Variants in LEF1 observed in about 807,000 individuals in gnomAD.
LEF1 encodes lymphoid enhancer-binding factor 1.
Under a neutral mutation model 51.2 loss-of-function variants are expected in LEF1, and 14 were observed. That is an observed-to-expected ratio of 0.27 (90% CI 0.18 to 0.43). The LOEUF is 0.43. LEF1 is among the 20% of genes least tolerant of loss of function. The pLI is 1.00. For missense variants in LEF1, 386 were observed against 512.0 expected (o/e 0.75, Z 2.37); for synonymous variants, 185 against 183.2 (o/e 1.01, Z -0.08).
intron 3 of LEF1, among the ~76,000 whole-genome samples, chr4:108,161,523 C>T (rs1745052084): frequency 6.6e-6 from 1 of 152,156 alleles, no homozygotes; most frequent in Admixed American, 6.5e-5. Flanking sequence ...AATTTTAATA[C>T]ATACACTAAC....
intron 3 of LEF1, among the ~76,000 whole-genome samples, chr4:108,114,742 G>C (rs987705787): frequency 5.9e-5 from 9 of 152,366 alleles, no homozygotes; most frequent in African/African-American, 2.2e-4. Context: ...TTTAAAGAGA[G>C]AGCCTTAGGA....
chr4:108,143,792 C>A (rs1169389538), intron 3 of LEF1, among the ~76,000 whole-genome samples: 1 of 152,164 alleles, frequency 6.6e-6, no homozygotes, highest in African/African-American at 2.4e-5. Context: ...AGTGGCTAAG[C>A]AGAGACAAAC....
At chr4:108,073,833 C>T (rs13119397) in intron 8 of LEF1, among the ~76,000 whole-genome samples, 115,007 of 144,072 alleles carry the variant, frequency 0.8, 46,475 homozygotes, top group East Asian at 0.97. Context: ...ACCCCCCCCC[C>T]TTTTTTTTTT....
At chr4:108,112,801 T>A (rs1741611881) in intron 3 of LEF1, among the ~76,000 whole-genome samples, 1 of 152,212 alleles carries the variant, frequency 6.6e-6, no homozygotes, top group South Asian at 2.1e-4. Flanking sequence ...ATAATTAGTA[T>A]ATGCTCCTGA....
rs555451184 is a variant in LEF1 at position 108,081,389 on chromosome 4, C to T, written c.722+197G>A. ...CCATCGCCCGATGGTGTGGCTGGTCCGGCCGGGGCACAGCGCAGAGCTCCT... is the reference window on the plus strand; with the variant it reads ...CCATCGCCCGATGGTGTGGCTGGTCTGGCCGGGGCACAGCGCAGAGCTCCT... On this transcript the variant is annotated intron_variant, in intron 6 of 11. Transcript: ENST00000265165. Among the ~76,000 whole-genome samples the T allele has an allele frequency of 4.6e-5, 7 of 152,142 alleles. No individual in the cohort carries two copies. In the South Asian group the frequency reaches 8.3e-4, roughly 18 times the overall value.
At chr4:108,086,986 C>T (rs1739694979) in intron 4 of LEF1, among the ~76,000 whole-genome samples, 1 of 152,190 alleles carries the variant, frequency 6.6e-6, no homozygotes, top group East Asian at 1.9e-4. Flanking sequence ...TGATGATCTT[C>T]GGTTGTTTTT....
intron 9 of LEF1, among the ~76,000 whole-genome samples, chr4:108,066,748 A>G (rs1224601612): frequency 6.6e-6 from 1 of 152,240 alleles, no homozygotes; most frequent in Non-Finnish European, 1.5e-5. Context: ...TGGTAAAAAC[A>G]AAAAATTTTT....
At chr4:108,152,210 C>T (rs996859195) in intron 3 of LEF1, among the ~76,000 whole-genome samples, 9 of 152,158 alleles carry the variant, frequency 5.9e-5, no homozygotes, top group African/African-American at 2.2e-4. Context: ...CAAGACCCTG[C>T]TGGCAGGGAA....
chr4:108,123,294 C>G (rs1365005917), intron 3 of LEF1, among the ~76,000 whole-genome samples: 1 of 152,168 alleles, frequency 6.6e-6, no homozygotes, highest in African/African-American at 2.4e-5. Flanking sequence ...CTCAGGACAG[C>G]ATTTTTCTTC....
intron 3 of LEF1, among the ~76,000 whole-genome samples, chr4:108,138,106 T>A (rs1743413132): frequency 6.6e-6 from 1 of 152,146 alleles, no homozygotes; most frequent in Non-Finnish European, 1.5e-5. Flanking sequence ...GAAATACAGG[T>A]TTAGATGAGA....
Position 108,141,685 on chromosome 4 carries a change from G to C in LEF1, c.414+21883C>G, listed in dbSNP as rs148446463. On this transcript the variant is annotated intron_variant, in intron 3 of 11. Transcript: ENST00000265165. The stretch of plus-strand genomic sequence containing the variant: ...GGCCGCAAGCAGTTGTGCGCCCTGG[G>C]AATATGGAAAGCCTTTATGCTCTCA... Among the ~76,000 whole-genome samples, 77 of 152,246 alleles carry C rather than the reference G, an allele frequency of 5.1e-4. No individual in the cohort carries two copies. In the East Asian group the frequency reaches 8.9e-3, roughly 18 times the overall value.
chr4:108,149,016 A>G (rs1418474920), intron 3 of LEF1, among the ~76,000 whole-genome samples: 1 of 152,212 alleles, frequency 6.6e-6, no homozygotes, highest in Non-Finnish European at 1.5e-5. Context: ...GCAGATCTTA[A>G]TTGTGCAGGA....
rs55839332 is a variant in LEF1, at chr4:108,115,846, T to TACACACACACACACAC, written c.415-26605_415-26590dup. 2.6e-3 allele frequency among the ~76,000 whole-genome samples: 364 copies of TACACACACACACACAC among 139,358 alleles called. 9 individuals carry two copies. The highest frequency in any genetic ancestry group is 8.3e-3 in the African/African-American group (304 of 36,764). 91.4% of individuals were successfully genotyped at this position (139,358 alleles called of 152,430 possible). On this transcript the variant is annotated intron_variant, in intron 3 of 11. Coordinates refer to ENST00000265165, the MANE Select transcript of LEF1 (RefSeq NM_016269.5). ...AAAGGTCTGCCTATAATGTAACACA[T>TACACACACACACACAC]ACACACACACACACACACACACACA...
In LEF1 at chr4:108,168,085, C is replaced by A. The variant is rs1423716904; in HGVS notation, c.-318G>T. 1.1e-4 allele frequency: 17 copies of A among 154,592 alleles called. No individual in the cohort carries two copies. In the South Asian group the frequency reaches 1.6e-3, roughly 15 times the overall value. The allele number at this position is 154,592 out of a possible 1,614,324, so 9.6% of individuals were successfully genotyped here. On this transcript the variant is annotated 5_prime_UTR_variant, in exon 1 of 12. Coordinates refer to ENST00000265165, the MANE Select transcript of LEF1 (RefSeq NM_016269.5). This position sits in a 1 kb window ranked among gnomAD's most constrained non-coding sequence, Gnocchi z 4.6. ...ACTCCGGGGGCGTCTGCGCGGCGCG[C>A]GCTAGACGAGGCTGCCCCGGCGGCC... is the stretch of plus-strand genomic sequence containing the variant.
intron 3 of LEF1, among the ~76,000 whole-genome samples, chr4:108,158,065 TTTG>T (rs1171082858): frequency 9.9e-5 from 15 of 151,424 alleles, no homozygotes; most frequent in Non-Finnish European, 2.2e-4. Flanking sequence ...ACCCCCAGTC[TTTG>T]TTGTTGTTCT....
intron 11 of LEF1, among the ~76,000 whole-genome samples, chr4:108,060,087 G>C (rs534306241): frequency 6.6e-6 from 1 of 152,230 alleles, no homozygotes; most frequent in Non-Finnish European, 1.5e-5. Flanking sequence ...TACATTAGTG[G>C]AAAATCAAAC....
rs35000095 is a variant in LEF1, at chr4:108,167,351, T to TAC, written c.213+202_213+203dup. Among the ~76,000 whole-genome samples, 15,154 of 131,570 alleles carry TAC rather than the reference T, an allele frequency of 0.12. 848 individuals are homozygous for TAC. The highest frequency in any genetic ancestry group is 0.13 in the African/African-American group (4,663 of 35,318). The allele number at this position is 131,570 out of a possible 152,430, so 86.3% of individuals were successfully genotyped here. A position where few individuals can be genotyped will look rare whatever the true frequency, so the allele number is the denominator to read the frequency against. On this transcript the variant is annotated intron_variant, in intron 1 of 11. Coordinates refer to ENST00000265165, the MANE Select transcript of LEF1 (RefSeq NM_016269.5). This position sits in a 1 kb window ranked among gnomAD's most constrained non-coding sequence, Gnocchi z 5.7. The stretch of plus-strand genomic sequence containing the variant: ...TACCCTGCCCCTCTACCTCCCATCC[T>TAC]ACACACACACACACACACACACACA...
At chr4:108,077,696 A>G (rs6829117) in intron 8 of LEF1, among the ~76,000 whole-genome samples, 6,804 of 76,102 alleles carry the variant, frequency 0.089, 294 homozygotes, top group Non-Finnish European at 0.11. Context: ...CTGCCGCCCC[A>G]TCTGGGAAGT....
At position 108,167,499 on chromosome 4, in the gene LEF1, C is replaced by CT. The variant is rs1745488832; in HGVS notation, c.213+55dup. ...GCGCCTTCGTTCCCTTCCTCCCTCTCTGAGTTTCCCAGGGACCCGCCACGC... is the reference window on the plus strand; with the variant it reads ...GCGCCTTCGTTCCCTTCCTCCCTCTCTTGAGTTTCCCAGGGACCCGCCACGC... On this transcript the variant is annotated intron_variant, in intron 1 of 11. Coordinates refer to ENST00000265165, the MANE Select transcript of LEF1 (RefSeq NM_016269.5). This position sits in a 1 kb window ranked among gnomAD's most constrained non-coding sequence, Gnocchi z 5.7. The CT allele has an allele frequency of 1.3e-6, 2 of 1,583,504 alleles. No individual in the cohort carries two copies. Among genetic ancestry groups the CT allele is most frequent in the African/African-American group, 2.7e-5 (2 of 74,422 alleles).
Sources: allele counts gnomAD v4.1 joint callset (sites outside exome capture counted in the v4.1 genomes callset), GRCh38; gene constraint gnomAD v4.1.1; non-coding constraint Gnocchi (gnomAD v3.1); transcripts MANE v1.5; gene names NCBI Gene and HGNC (gene_info 2026-07-23, HGNC 2026-07-21).